The following TACC2 variants were observed in gnomAD, a reference collection of about 807,000 sequenced individuals.
TACC2 encodes the protein transforming acidic coiled-coil containing protein 2.
In TACC2, 137 loss-of-function variants were observed where a neutral mutation model predicts 227.3. The ratio of observed to expected loss-of-function variants is 0.60; its 90% CI spans 0.52 to 0.69. The LOEUF (loss-of-function observed/expected upper bound fraction) is 0.69. TACC2 is among the 30% of genes least tolerant of loss of function. TACC2 has a pLI of 0.00. For missense variants in TACC2, 3,470 were observed against 3,694.4 expected (o/e 0.94, Z 1.57); for synonymous variants, 1,523 against 1,487.5 (o/e 1.02, Z -0.55).
At position 122,155,271 on chromosome 10, in the gene TACC2, G is replaced by A. The variant is rs576564444; in HGVS notation, c.5834+11565G>A. Among the ~76,000 whole-genome samples the A allele has an allele frequency of 2.0e-5, 3 of 152,338 alleles. No individual in the cohort carries two copies. The South Asian group carries it at 6.2e-4, about 32-fold the overall frequency. The stretch of plus-strand genomic sequence containing the variant: ...GAAACCAGCTTTGCTGTTGATTTTG[G>A]CAGCTGGGAGACGCCATCTCTGTTT... On this transcript the variant is annotated intron_variant, in intron 7 of 22. Transcript: ENST00000369005.
chr10:122,145,370 T>C (rs966913285), intron 7 of TACC2, among the ~76,000 whole-genome samples: 8 of 151,200 alleles, frequency 5.3e-5, no homozygotes, highest in Admixed American at 1.3e-4. Flanking sequence ...TGCAACTAAA[T>C]TGATGAATCG....
At chr10:122,015,951 G>T (rs1321271987) in intron 1 of TACC2, among the ~76,000 whole-genome samples, 3 of 86,054 alleles carry the variant, frequency 3.5e-5, no homozygotes, top group African/African-American at 4.8e-5. Context: ...ATCCCAAAAT[G>T]TTAAAAAAAA....
Position 122,087,525 on chromosome 10 carries a change from G to A in TACC2, c.5025G>A (p.Leu1675=), listed in dbSNP as rs931120775. ...GCATCTTGGAAATGCGAAATGCCCT[G>A]GGCAACCAGAGCACCCCTGCACCAC... ...TAGILEMRNA[L]GNQSTPAPPT... The change falls in exon 4 of 23, where the codon CTG becomes CTA. Residue 1675 remains leucine (L), a synonymous_variant. Transcript: ENST00000369005. 3.1e-6 allele frequency: 5 copies of A among 1,613,790 alleles called. No individual in the cohort carries two copies. The African/African-American group carries it at 6.7e-5, about 22-fold the overall frequency.
chr10:122,118,079 T>C (rs1160973429), intron 5 of TACC2, among the ~76,000 whole-genome samples: 1 of 150,840 alleles, frequency 6.6e-6, no homozygotes. Flanking sequence ...AGTGGTGCCA[T>C]CTCAGCTCAC....
chr10:122,057,393 C>T (rs1565176321), intron 3 of TACC2, among the ~76,000 whole-genome samples: 1 of 151,988 alleles, frequency 6.6e-6, no homozygotes, highest in African/African-American at 2.4e-5. Context: ...CCGGTGACTG[C>T]CTGGGTGTGG....
chr10:122,231,017 T>C (rs2095733417), intron 16 of TACC2, among the ~76,000 whole-genome samples: 1 of 152,254 alleles, frequency 6.6e-6, no homozygotes, highest in African/African-American at 2.4e-5. Context: ...TGGGCCGTAC[T>C]GTCTGGCACT....
chr10:122,109,356 A>G (rs1365353948), intron 5 of TACC2, among the ~76,000 whole-genome samples: 1 of 152,034 alleles, frequency 6.6e-6, no homozygotes, highest in Admixed American at 6.6e-5. Flanking sequence ...TTTGATTTGC[A>G]TTTCCCTGAT....
chr10:122,045,411 C>T (rs1250720329), intron 2 of TACC2, among the ~76,000 whole-genome samples: 2 of 152,230 alleles, frequency 1.3e-5, no homozygotes, highest in Non-Finnish European at 2.9e-5. Context: ...TCCACCACTT[C>T]CAAGCTGTGT....
chr10:122,028,990 C>T (rs1176781324), intron 2 of TACC2, among the ~76,000 whole-genome samples: 21 of 28,180 alleles, frequency 7.5e-4, no homozygotes, highest in African/African-American at 1.1e-3. Flanking sequence ...CCCCTCCCCT[C>T]CCCTCCCCTC....
At chr10:121,998,395 C>A (rs984654322) in intron 1 of TACC2, among the ~76,000 whole-genome samples, 1 of 151,588 alleles carries the variant, frequency 6.6e-6, no homozygotes, top group South Asian at 2.1e-4. Flanking sequence ...TCCACTATGA[C>A]CCTTGTCCTA....
At chr10:122,068,714 A>G (rs1395944049) in intron 3 of TACC2, among the ~76,000 whole-genome samples, 2 of 148,840 alleles carry the variant, frequency 1.3e-5, no homozygotes, top group African/African-American at 5.0e-5. Flanking sequence ...CCCAGGCTGG[A>G]GTGCAGTGGT....
chr10:122,129,385 G>A (rs1185611622), intron 5 of TACC2, among the ~76,000 whole-genome samples: 1 of 152,076 alleles, frequency 6.6e-6, no homozygotes, highest in African/African-American at 2.4e-5. Context: ...AGCCGCAAAC[G>A]AGTCCATCCT....
intron 8 of TACC2, among the ~76,000 whole-genome samples, chr10:122,207,634 C>T (rs185604718): frequency 6.6e-6 from 1 of 152,200 alleles, no homozygotes; most frequent in African/African-American, 2.4e-5. Context: ...GGATAAGAAA[C>T]CCTGCAGCAA....
At chr10:122,243,381 A>G (rs3813717) in intron 19 of TACC2, among the ~76,000 whole-genome samples, 50,634 of 152,120 alleles carry the variant, frequency 0.33, 9,267 homozygotes, top group East Asian at 0.61. Flanking sequence ...TATGAGTCAC[A>G]TCACACCTCT....
Position 122,083,457 on chromosome 10 carries a change from T to C in TACC2, c.957T>C (p.Ala319=), listed in dbSNP as rs770661570. The change falls in exon 4 of 23, where the codon GCT becomes GCC. Residue 319 remains alanine, a synonymous_variant. Transcript: ENST00000369005. ...ACHLPRSNSG[A]APEAEVNAAS... ...ATCTCCCTAGGAGCAATTCAGGGGC[T>C]GCCCCAGAAGCAGAAGTGAATGCCG... 6.2e-7 allele frequency: 1 copy of C among 1,613,380 alleles called. No homozygotes were observed. The highest frequency in any genetic ancestry group is 1.1e-5 in the South Asian group (1 of 91,080).
intron 7 of TACC2, among the ~76,000 whole-genome samples, chr10:122,146,090 G>A (rs1053403013): frequency 6.6e-6 from 1 of 152,174 alleles, no homozygotes; most frequent in African/African-American, 2.4e-5. Context: ...TAGGGGAGAA[G>A]TGCAGCACCC....
At chr10:122,049,943 T>C (rs1451420542) in intron 2 of TACC2, among the ~76,000 whole-genome samples, 1 of 152,166 alleles carries the variant, frequency 6.6e-6, no homozygotes, top group Non-Finnish European at 1.5e-5. Flanking sequence ...TCCCAAGTGG[T>C]TGGGTCCAGA....
At chr10:122,014,448 C>T (rs901938476) in intron 1 of TACC2, among the ~76,000 whole-genome samples, 5 of 152,088 alleles carry the variant, frequency 3.3e-5, no homozygotes, top group South Asian at 2.1e-4. Context: ...TGACCTCAGG[C>T]GATCCACCTG....
chr10:122,043,895 G>T (rs2074658718), intron 2 of TACC2, among the ~76,000 whole-genome samples: 1 of 152,144 alleles, frequency 6.6e-6, no homozygotes, highest in Non-Finnish European at 1.5e-5. Flanking sequence ...TTACTTTAGA[G>T]TATTTTCAGA....
Sources: allele counts gnomAD v4.1 joint callset (sites outside exome capture counted in the v4.1 genomes callset), GRCh38; gene constraint gnomAD v4.1.1; transcripts MANE v1.5; gene names NCBI Gene and HGNC (gene_info 2026-07-23, HGNC 2026-07-21).